ZNF727: variants seen among roughly 807,000 people sequenced by gnomAD.
ZNF727 encodes putative zinc finger protein 727.
Under a neutral mutation model 11.5 loss-of-function variants are expected in ZNF727, and 11 were observed. The ratio of observed to expected loss-of-function variants is 0.95; its 90% CI spans 0.60 to 1.58. The LOEUF is 1.58. Among genes scored for constraint, ZNF727 ranks in the 40% most tolerant of loss-of-function variants. ZNF727 has a pLI of 0.00. For missense variants in ZNF727, 533 were observed against 581.7 expected, an observed-to-expected ratio of 0.92 and a Z score of 0.86; for synonymous variants, 171 against 196.1, an observed-to-expected ratio of 0.87 and a Z score of 1.07.
chr7:64,055,556 C>T (rs2116280528), intron 1 of ZNF727, among the ~76,000 whole-genome samples: 1 of 152,264 alleles, frequency 6.6e-6, no homozygotes, highest in South Asian at 2.1e-4. Context: ...TGTCTTATAA[C>T]CACCATTCTA....
Position 64,083,125 on chromosome 7 carries a change from C to T in ZNF727, c.*4576C>T, listed in dbSNP as rs893976824. Among the ~76,000 whole-genome samples the T allele has an allele frequency of 2.6e-4, 39 of 152,212 alleles. No homozygotes were observed. Among genetic ancestry groups the T allele is most frequent in the Non-Finnish European group, 1.5e-5 (1 of 68,044 alleles). Reference sequence around the variant, plus strand: ...GGTAGCTGGAGACCCTGGTTGGGAACTGCTTTGCAGTGAGGAGGAATGAGA... The same window carrying T: ...GGTAGCTGGAGACCCTGGTTGGGAATTGCTTTGCAGTGAGGAGGAATGAGA... On this transcript the variant is annotated 3_prime_UTR_variant, in exon 4 of 4. Coordinates refer to ENST00000456806, the MANE Select transcript of ZNF727 (RefSeq NM_001159522.3).
At chr7:64,065,221 G>T (rs560745158) in intron 1 of ZNF727, among the ~76,000 whole-genome samples, 137 of 152,260 alleles carry the variant, frequency 9.0e-4, no homozygotes, top group Non-Finnish European at 1.8e-3. Context: ...ACTTTCACGA[G>T]AGGTGAGTTT....
At chr7:64,057,729 TAA>T (rs547619811) in intron 1 of ZNF727, among the ~76,000 whole-genome samples, 1 of 142,150 alleles carries the variant, frequency 7.0e-6, no homozygotes, top group Non-Finnish European at 1.5e-5. Flanking sequence ...TTTAAAAAAG[TAA>T]AAAAAAAAAA....
At chr7:64,075,418 T>C (rs549624890) in intron 3 of ZNF727, among the ~76,000 whole-genome samples, 29 of 152,136 alleles carry the variant, frequency 1.9e-4, no homozygotes, top group Non-Finnish European at 3.5e-4. Context: ...CTATAACATG[T>C]TATTGCTGTC....
intron 1 of ZNF727, among the ~76,000 whole-genome samples, chr7:64,048,830 C>T (rs1789548449): frequency 6.6e-6 from 1 of 152,110 alleles, no homozygotes. Flanking sequence ...CAATAAAATG[C>T]ATGAAGGTGT....
chr7:64,068,213 G>T (rs190420623), intron 1 of ZNF727, among the ~76,000 whole-genome samples: 2 of 150,860 alleles, frequency 1.3e-5, no homozygotes, highest in African/African-American at 5.0e-5. Context: ...TTTTTAATAG[G>T]TACCTTGAGG....
chr7:64,053,099 G>C (rs1301861673), intron 1 of ZNF727, among the ~76,000 whole-genome samples: 1 of 152,130 alleles, frequency 6.6e-6, no homozygotes, highest in Non-Finnish European at 1.5e-5. Flanking sequence ...CTGTTGAGAA[G>C]GCATGATTGA....
intron 3 of ZNF727, among the ~76,000 whole-genome samples, chr7:64,071,887 G>A (rs901580953): frequency 3.3e-5 from 5 of 151,896 alleles, no homozygotes; most frequent in African/African-American, 1.2e-4. Flanking sequence ...TCAAAGATGA[G>A]TTGATCTTAC....
At chr7:64,056,127 T>C (rs1584143687) in intron 1 of ZNF727, among the ~76,000 whole-genome samples, 1 of 152,240 alleles carries the variant, frequency 6.6e-6, no homozygotes, top group East Asian at 1.9e-4. Flanking sequence ...AGAGCATTGA[T>C]TTTTATATTT....
At position 64,082,986 on chromosome 7, in the gene ZNF727, G is replaced by A. The variant is rs1785816567; in HGVS notation, c.*4437G>A. Among the ~76,000 whole-genome samples the A allele has an allele frequency of 6.6e-6, 1 of 152,178 alleles. No homozygotes were observed. Among genetic ancestry groups the A allele is most frequent in the Admixed American group, 6.5e-5 (1 of 15,284 alleles). Reference sequence around the variant, plus strand: ...AGTTTATTTGGACTCTTCAAAGCCAGAAGGCTGGAACAGCTAAGTCACACA... The same window carrying A: ...AGTTTATTTGGACTCTTCAAAGCCAAAAGGCTGGAACAGCTAAGTCACACA... On this transcript the variant is annotated 3_prime_UTR_variant, in exon 4 of 4. Coordinates refer to ENST00000456806, the MANE Select transcript of ZNF727 (RefSeq NM_001159522.3).
chr7:64,063,609 G>A (rs1789814058), intron 1 of ZNF727, among the ~76,000 whole-genome samples: 1 of 134,052 alleles, frequency 7.5e-6, no homozygotes, highest in African/African-American at 3.2e-5. Flanking sequence ...CTCACATAAG[G>A]CCCACAGTGA....
chr7:64,076,782 T>C (rs1278058014), intron 3 of ZNF727, among the ~76,000 whole-genome samples: 1 of 152,288 alleles, frequency 6.6e-6, no homozygotes, highest in East Asian at 1.9e-4. Context: ...CTATACCCAT[T>C]CTCTGTCTAT....
chr7:64,068,393 T>A (rs1789904822), intron 1 of ZNF727, among the ~76,000 whole-genome samples: 1 of 152,122 alleles, frequency 6.6e-6, no homozygotes, highest in Admixed American at 6.6e-5. Flanking sequence ...TACTGAATTT[T>A]TGACAAAATA....
intron 3 of ZNF727, among the ~76,000 whole-genome samples, chr7:64,072,087 T>C (rs1584153814): frequency 6.6e-6 from 1 of 152,302 alleles, no homozygotes; most frequent in South Asian, 2.1e-4. Context: ...TACATATAAA[T>C]TTTAAGATTG....
chr7:64,065,575 G>A (rs781434931), intron 1 of ZNF727, among the ~76,000 whole-genome samples: 55 of 152,140 alleles, frequency 3.6e-4, no homozygotes, highest in Non-Finnish European at 6.6e-4. Context: ...ATCACACCTG[G>A]AAGGGATCAC....
intron 3 of ZNF727, among the ~76,000 whole-genome samples, chr7:64,075,238 A>G (rs919890154): frequency 6.6e-6 from 1 of 151,874 alleles, no homozygotes; most frequent in African/African-American, 2.4e-5. Flanking sequence ...TGTTTATATT[A>G]TTTAGTAATA....
Position 64,080,247 on chromosome 7 carries a change from T to C in ZNF727, c.*1698T>C, listed in dbSNP as rs1156777246. Among the ~76,000 whole-genome samples the C allele has an allele frequency of 2.0e-5, 3 of 152,180 alleles. No homozygotes were observed. The highest frequency in any genetic ancestry group is 4.4e-5 in the Non-Finnish European group (3 of 68,034). ...TGGATGGTATCCCGAAATATGTATT[T>C]CAAGTTGTTTTCATTCTCTCCATCA... is the stretch of plus-strand genomic sequence containing the variant. On this transcript the variant is annotated 3_prime_UTR_variant, in exon 4 of 4. Transcript: ENST00000456806.
intron 1 of ZNF727, among the ~76,000 whole-genome samples, chr7:64,063,719 C>T (rs1789816680): frequency 6.6e-6 from 1 of 152,082 alleles, no homozygotes; most frequent in Non-Finnish European, 1.5e-5. Context: ...GCAGTGAGCT[C>T]TTACCCACCC....
At chr7:64,047,220 T>A (rs1789521935) in intron 1 of ZNF727, among the ~76,000 whole-genome samples, 1 of 152,200 alleles carries the variant, frequency 6.6e-6, no homozygotes, top group Non-Finnish European at 1.5e-5. Flanking sequence ...AATTCTACAT[T>A]TCCAATTTCT....
Sources: allele counts gnomAD v4.1 joint callset (sites outside exome capture counted in the v4.1 genomes callset), GRCh38; gene constraint gnomAD v4.1.1; transcripts MANE v1.5; gene names NCBI Gene and HGNC (gene_info 2026-07-23, HGNC 2026-07-21).